Variants in SEL1L3 observed in about 807,000 individuals in gnomAD.
SEL1L3 encodes the protein SEL1L family member 3, also known as protein sel-1 homolog 3.
SEL1L3 carries 76 observed loss-of-function variants against 142.8 expected under a neutral mutation model. The observed-to-expected ratio is 0.53, with a 90% CI of 0.44 to 0.64. The LOEUF (loss-of-function observed/expected upper bound fraction) is 0.64. Ranked by LOEUF, SEL1L3 falls within the 30% of genes least tolerant of loss-of-function variation. SEL1L3 has a pLI of 0.00. For missense variants in SEL1L3, 1,262 were observed against 1,381.7 expected (o/e 0.91, Z 1.37); for synonymous variants, 504 against 519.6 (o/e 0.97, Z 0.41).
chr4:25,803,818 C>T (rs567913117), intron 10 of SEL1L3, among the ~76,000 whole-genome samples: 14 of 151,568 alleles, frequency 9.2e-5, no homozygotes, highest in Non-Finnish European at 1.9e-4. Context: ...TTTTTCCTGC[C>T]CTTGGACTGG....
chr4:25,725,914 C>T, the SEL1L3 span, among the ~76,000 whole-genome samples: 3 of 152,086 alleles, frequency 2.0e-5, no homozygotes, highest in Non-Finnish European at 2.9e-5. Context: ...TTAGATTTGG[C>T]GGGTTCTGAC....
intron 20 of SEL1L3, among the ~76,000 whole-genome samples, chr4:25,762,182 C>G (rs1329657080): frequency 6.6e-6 from 1 of 152,220 alleles, no homozygotes; most frequent in Non-Finnish European, 1.5e-5. Context: ...CTGCTGACTT[C>G]AAGTGATCTG....
chr4:25,825,295 T>C (rs1442188197), intron 6 of SEL1L3, among the ~76,000 whole-genome samples: 1 of 152,142 alleles, frequency 6.6e-6, no homozygotes, highest in Non-Finnish European at 1.5e-5. Context: ...AAATTCTCAG[T>C]GTCTGCACAA....
intron 2 of SEL1L3, among the ~76,000 whole-genome samples, chr4:25,837,013 T>C (rs1357433374): frequency 6.6e-6 from 1 of 152,000 alleles, no homozygotes; most frequent in Non-Finnish European, 1.5e-5. Flanking sequence ...TTGTTACAAG[T>C]AGAGATGCAT....
At chr4:25,729,725 C>T in the SEL1L3 span, among the ~76,000 whole-genome samples, 2 of 137,240 alleles carry the variant, frequency 1.5e-5, no homozygotes, top group Non-Finnish European at 3.2e-5. Context: ...AAAACAAAAA[C>T]AAAACAAAAC....
chr4:25,831,288 A>T (rs1715419389), intron 5 of SEL1L3, among the ~76,000 whole-genome samples: 1 of 151,732 alleles, frequency 6.6e-6, no homozygotes, highest in Non-Finnish European at 1.5e-5. Flanking sequence ...TTAGCTTTCT[A>T]TAGTCCATAA....
chr4:25,718,078 A>G, the SEL1L3 span: 9 of 152,146 alleles, frequency 5.9e-5, no homozygotes, highest in African/African-American at 1.7e-4. Context: ...CTATAGCTAC[A>G]GCATGCAAAC....
At chr4:25,828,728 C>T (rs758536151) in intron 6 of SEL1L3, among the ~76,000 whole-genome samples, 2 of 151,950 alleles carry the variant, frequency 1.3e-5, no homozygotes, top group Non-Finnish European at 2.9e-5. Flanking sequence ...CATATATGGC[C>T]CTCTATTTCT....
intron 9 of SEL1L3, among the ~76,000 whole-genome samples, chr4:25,814,847 C>G (rs545785841): frequency 1.3e-5 from 2 of 151,654 alleles, no homozygotes; most frequent in Non-Finnish European, 2.9e-5. Context: ...CATAAGACAC[C>G]AGTCTTTCTC....
At chr4:25,850,488 T>G (rs1716807838) in intron 1 of SEL1L3, among the ~76,000 whole-genome samples, 1 of 152,204 alleles carries the variant, frequency 6.6e-6, no homozygotes, top group Non-Finnish European at 1.5e-5. Flanking sequence ...GTATTGTTGG[T>G]GGCAGTAATC....
At chr4:25,810,865 G>T (rs1713975319) in intron 9 of SEL1L3, among the ~76,000 whole-genome samples, 1 of 152,226 alleles carries the variant, frequency 6.6e-6, no homozygotes, top group African/African-American at 2.4e-5. Flanking sequence ...GCTGCAGTTG[G>T]GCACCCCGAG....
At chr4:25,722,782 T>C in the SEL1L3 span, among the ~76,000 whole-genome samples, 1 of 152,034 alleles carries the variant, frequency 6.6e-6, no homozygotes. Context: ...TATTACCTGT[T>C]TACTCAGTAG....
chr4:25,855,201 A>G (rs1271203366), intron 1 of SEL1L3, among the ~76,000 whole-genome samples: 1 of 152,222 alleles, frequency 6.6e-6, no homozygotes, highest in Admixed American at 6.5e-5. Context: ...TTCCTGGCTC[A>G]AGTCATGTGT....
At chr4:25,714,356 C>T in the SEL1L3 span, among the ~76,000 whole-genome samples, 142 of 150,980 alleles carry the variant, frequency 9.4e-4, 1 homozygote, top group Non-Finnish European at 1.8e-3. Context: ...AGAAATAGAG[C>T]CTCATATACA....
At chr4:25,815,723 A>G (rs779095667) in intron 9 of SEL1L3, among the ~76,000 whole-genome samples, 9 of 151,966 alleles carry the variant, frequency 5.9e-5, no homozygotes, top group Non-Finnish European at 8.8e-5. Flanking sequence ...CAACCATCCA[A>G]CGGAAACCTG....
At chr4:25,754,162 C>T (rs1160264920) in intron 23 of SEL1L3, among the ~76,000 whole-genome samples, 8 of 145,404 alleles carry the variant, frequency 5.5e-5, no homozygotes, top group Non-Finnish European at 7.6e-5. Flanking sequence ...ATTAGCCAGG[C>T]GTGGTGGCGC....
intron 16 of SEL1L3, among the ~76,000 whole-genome samples, chr4:25,778,176 C>A (rs1719763605): frequency 6.6e-6 from 1 of 151,594 alleles, no homozygotes; most frequent in South Asian, 2.1e-4. Flanking sequence ...AAGTGCAGAC[C>A]AAGAAAGAGA....
intron 6 of SEL1L3, among the ~76,000 whole-genome samples, chr4:25,825,799 C>T (rs758061522): frequency 2.0e-5 from 3 of 151,394 alleles, no homozygotes; most frequent in Admixed American, 6.6e-5. Context: ...CTCAGCCTCC[C>T]GAGTAGCTGG....
intron 9 of SEL1L3, among the ~76,000 whole-genome samples, chr4:25,817,612 A>G (rs1473547027): frequency 1.3e-5 from 2 of 152,200 alleles, no homozygotes; most frequent in African/African-American, 4.8e-5. Context: ...AGATCCATGA[A>G]TGAAGTAAGC....
Sources: gnomAD v4.1 joint callset for allele counts (sites outside exome capture counted in the v4.1 genomes callset) on GRCh38, gnomAD v4.1.1 for gene constraint, MANE v1.5 for transcripts, NCBI Gene and HGNC (gene_info 2026-07-23, HGNC 2026-07-21) for gene names.